The following PCLO variants were observed in gnomAD, a reference collection of about 807,000 sequenced individuals.
PCLO encodes the protein piccolo presynaptic cytomatrix protein.
A neutral mutation model predicts 427.5 loss-of-function variants in PCLO; 82 were observed. The ratio of observed to expected loss-of-function variants is 0.19; its 90% confidence interval spans 0.16 to 0.23. The LOEUF (loss-of-function observed/expected upper bound fraction) is 0.23. Among genes scored for constraint, PCLO ranks in the 10% least tolerant of loss-of-function variants. The pLI is 1.00. For synonymous variants in PCLO, 2,357 were observed against 2,155.4 expected (o/e 1.09, Z -2.59); for missense variants, 6,239 against 6,115.9 (o/e 1.02, Z -0.67).
At position 82,942,381 on chromosome 7, in the gene PCLO, A is replaced by G. The variant is rs28592809; in HGVS notation, c.11112+7095T>C. Reference sequence around the variant, plus strand: ...TCTTTCAACGAACAATAAGAATACAATTTTTTTCTTAGAATCATGTTAATT... The same window carrying G: ...TCTTTCAACGAACAATAAGAATACAGTTTTTTTCTTAGAATCATGTTAATT... On this transcript the variant is annotated intron_variant, in intron 6 of 24. Transcript: ENST00000333891. Among the ~76,000 whole-genome samples, 7 of 152,092 alleles carry G rather than the reference A, an allele frequency of 4.6e-5. No homozygotes were observed. In the East Asian group the frequency reaches 1.4e-3, roughly 29 times the overall value.
intron 4 of PCLO, among the ~76,000 whole-genome samples, chr7:82,964,283 G>T (rs1430450162): frequency 6.6e-6 from 1 of 152,094 alleles, no homozygotes. Context: ...CTGGGAGACA[G>T]GAGACAGGTG....
At chr7:82,843,435 C>A (rs1363845712) in intron 13 of PCLO, among the ~76,000 whole-genome samples, 1 of 152,030 alleles carries the variant, frequency 6.6e-6, no homozygotes, top group Non-Finnish European at 1.5e-5. Context: ...TCAAAGGGTA[C>A]AAACTTCTCT....
At chr7:82,896,385 A>G (rs2116155999) in intron 9 of PCLO, among the ~76,000 whole-genome samples, 1 of 151,936 alleles carries the variant, frequency 6.6e-6, no homozygotes, top group East Asian at 1.9e-4. Flanking sequence ...AAATGAGAGA[A>G]ACCAGACACC....
intron 22 of PCLO, among the ~76,000 whole-genome samples, chr7:82,763,688 T>C (rs1790476047): frequency 6.6e-6 from 1 of 152,048 alleles, no homozygotes; most frequent in South Asian, 2.1e-4. Context: ...GCTCTCTTCC[T>C]CTGTCAAAAA....
chr7:82,951,052 T>C lies in PCLO; in HGVS notation c.9536A>G (p.Asp3179Gly), dbSNP rs2116425032. The change falls in exon 6 of 25, where the codon GAC (aspartate) becomes GGC (glycine). Residue 3179 changes from aspartate (D) to glycine (G), a missense_variant. By Grantham distance (94) the Asp-to-Gly change is moderately conservative (BLOSUM62 -1). Coordinates refer to ENST00000333891, the MANE Select transcript of PCLO (RefSeq NM_033026.6). ...TGCTGTGGTTAAAGTGGGAACAGAGTCTATCGTCTCAGCAGTAAGAGACTC... is the reference window on the plus strand; with the variant it reads ...TGCTGTGGTTAAAGTGGGAACAGAGCCTATCGTCTCAGCAGTAAGAGACTC... ...TMESLTAETI[D>G]SVPTLTTASE... 1.2e-6 allele frequency: 2 copies of C among 1,613,810 alleles called. No individual in the cohort carries two copies. Among genetic ancestry groups the C allele is most frequent in the Non-Finnish European group, 1.7e-6 (2 of 1,179,806 alleles).
chr7:82,843,539 A>C (rs1584037395), intron 13 of PCLO, among the ~76,000 whole-genome samples: 1 of 152,098 alleles, frequency 6.6e-6, no homozygotes, highest in East Asian at 1.9e-4. Flanking sequence ...AGTAGATTTA[A>C]AAAAAATTTT....
chr7:83,043,896 T>G (rs1789032081), intron 3 of PCLO, among the ~76,000 whole-genome samples: 1 of 147,254 alleles, frequency 6.8e-6, no homozygotes, highest in South Asian at 2.1e-4. Flanking sequence ...TAACTCAATC[T>G]TATTACTATT....
chr7:82,843,359 TA>T (rs1792415163), intron 13 of PCLO, among the ~76,000 whole-genome samples: 1 of 152,016 alleles, frequency 6.6e-6, no homozygotes, highest in South Asian at 2.1e-4. Context: ...AAGTTGAACT[TA>T]TAGAAGCATA....
chr7:82,809,118 T>A (rs1047639096), intron 20 of PCLO, among the ~76,000 whole-genome samples: 7 of 151,660 alleles, frequency 4.6e-5, no homozygotes, highest in African/African-American at 1.7e-4. Flanking sequence ...AAAGGCAAAC[T>A]TTTTTTTAAC....
At chr7:83,056,594 A>G (rs933837401) in intron 3 of PCLO, among the ~76,000 whole-genome samples, 2 of 152,186 alleles carry the variant, frequency 1.3e-5, no homozygotes, top group African/African-American at 2.4e-5. Context: ...ACTCTCATCT[A>G]TATGTATATT....
intron 22 of PCLO, among the ~76,000 whole-genome samples, chr7:82,774,219 T>C (rs541154035): frequency 3.3e-5 from 5 of 152,206 alleles, no homozygotes; most frequent in African/African-American, 7.2e-5. Context: ...TAGGACCTTA[T>C]GTAAGAGCCA....
intron 3 of PCLO, among the ~76,000 whole-genome samples, chr7:83,061,218 CT>C: frequency 6.6e-6 from 1 of 152,256 alleles, no homozygotes; most frequent in East Asian, 1.9e-4. Flanking sequence ...AGCTTGGGTC[CT>C]TTTCCCCCAT....
At chr7:82,783,659 T>C (rs1583970376) in intron 22 of PCLO, among the ~76,000 whole-genome samples, 1 of 152,220 alleles carries the variant, frequency 6.6e-6, no homozygotes, top group East Asian at 1.9e-4. Context: ...ACCCTAGATG[T>C]AATGAAAAAT....
intron 3 of PCLO, among the ~76,000 whole-genome samples, chr7:83,013,540 T>C (rs1167663178): frequency 2.0e-5 from 3 of 152,168 alleles, no homozygotes; most frequent in Non-Finnish European, 4.4e-5. Flanking sequence ...AAATAAACAC[T>C]GGATGCTTCC....
intron 10 of PCLO, among the ~76,000 whole-genome samples, chr7:82,866,578 T>A (rs368796225): frequency 2.1e-3 from 323 of 150,840 alleles, no homozygotes; most frequent in African/African-American, 7.6e-3. Flanking sequence ...ATGAGTAGAG[T>A]GTAAAAGGAA....
intron 3 of PCLO, among the ~76,000 whole-genome samples, chr7:83,125,546 ATTC>A (rs962544271): frequency 1.3e-5 from 2 of 152,220 alleles, no homozygotes; most frequent in Non-Finnish European, 2.9e-5. Flanking sequence ...ACTAAGAAAA[ATTC>A]TTCTGCCTTG....
intron 22 of PCLO, among the ~76,000 whole-genome samples, chr7:82,765,106 C>T (rs1790506922): frequency 6.6e-6 from 1 of 151,614 alleles, no homozygotes; most frequent in South Asian, 2.1e-4. Flanking sequence ...TTTCAACTAA[C>T]CAACTTTTGG....
intron 3 of PCLO, among the ~76,000 whole-genome samples, chr7:83,123,710 C>A (rs1791344509): frequency 1.3e-5 from 2 of 151,402 alleles, no homozygotes; most frequent in South Asian, 4.2e-4. Flanking sequence ...GAAAATTTTG[C>A]AAACTATCTA....
At chr7:82,928,228 T>C (rs2116327524) in intron 6 of PCLO, among the ~76,000 whole-genome samples, 1 of 152,324 alleles carries the variant, frequency 6.6e-6, no homozygotes, top group Admixed American at 6.5e-5. Context: ...GGCATTCAAG[T>C]GTTTGCTATA....
Sources: gnomAD v4.1 joint callset for allele counts (sites outside exome capture counted in the v4.1 genomes callset) on GRCh38, gnomAD v4.1.1 for gene constraint, MANE v1.5 for transcripts, NCBI Gene and HGNC (gene_info 2026-07-23, HGNC 2026-07-21) for gene names.